RALGPS2: variants seen among roughly 807,000 people sequenced by gnomAD.
The protein encoded by RALGPS2 is ras-specific guanine nucleotide-releasing factor RalGPS2.
RALGPS2 carries 43 observed loss-of-function variants against 86.8 expected under a neutral mutation model. The observed-to-expected ratio is 0.50, with a 90% CI of 0.39 to 0.64. The LOEUF (loss-of-function observed/expected upper bound fraction) is 0.64, where lower values mean the gene tolerates loss of function less well. Among genes scored for constraint, RALGPS2 ranks in the 30% least tolerant of loss-of-function variants. RALGPS2 has a pLI of 0.00. For missense variants in RALGPS2, 536 were observed against 694.6 expected, an observed-to-expected ratio of 0.77 and a Z score of 2.57; for synonymous variants, 243 against 231.3, an observed-to-expected ratio of 1.05 and a Z score of -0.46.
chr1:178,824,787 C>T (rs1318488151), intron 7 of RALGPS2, among the ~76,000 whole-genome samples: 4 of 150,746 alleles, frequency 2.7e-5, no homozygotes, highest in African/African-American at 7.3e-5. Context: ...CCAGCCTGTG[C>T]GACAGAGCAA....
intron 8 of RALGPS2, chr1:178,870,653 T>TA (rs965670406): frequency 6.6e-6 from 1 of 152,212 alleles, no homozygotes; most frequent in Non-Finnish European, 1.5e-5. Flanking sequence ...CTTTGTTTAG[T>TA]AAAAGATTCT....
chr1:178,878,143 T>A (rs1374686902), intron 9 of RALGPS2, among the ~76,000 whole-genome samples: 1 of 152,128 alleles, frequency 6.6e-6, no homozygotes, highest in African/African-American at 2.4e-5. Flanking sequence ...ATCGAGTAAA[T>A]AGCCAGTTTT....
At chr1:178,869,833 C>T (rs570890624) in intron 8 of RALGPS2, among the ~76,000 whole-genome samples, 3 of 152,054 alleles carry the variant, frequency 2.0e-5, no homozygotes, top group Non-Finnish European at 4.4e-5. Flanking sequence ...CTATTGGTAA[C>T]GAGTAATTTT....
rs892644355 is a variant in RALGPS2 at position 178,851,412 on chromosome 1, C to G, written c.607+17862C>G. 5 of 1,114,320 alleles carry G rather than the reference C, an allele frequency of 4.5e-6. No homozygotes were observed. In the African/African-American group the frequency reaches 8.0e-5, roughly 18 times the overall value. The allele number at this position is 1,114,320 out of a possible 1,614,324, so 69.0% of individuals were successfully genotyped here. The stretch of plus-strand genomic sequence containing the variant: ...CTTATTCTACCTTTAATTTGAACTT[C>G]CCTTACTAATCCCAGTTACCTTTAT... On this transcript the variant is annotated intron_variant, in intron 8 of 19. Transcript: ENST00000367635.
chr1:178,889,799 G>T, intron 14 of RALGPS2, 103 bp downstream of exon 14: 2 of 748,272 alleles, frequency 2.7e-6, no homozygotes, highest in Middle Eastern at 3.3e-4. Context: ...ATCCCTAAGC[G>T]ATTAAGTTTT....
Position 178,890,098 on chromosome 1 carries a change from A to G in RALGPS2, c.1247+402A>G, listed in dbSNP as rs1354911854. On this transcript the variant is annotated intron_variant, in intron 14 of 19. Transcript: ENST00000367635. The stretch of plus-strand genomic sequence containing the variant: ...GCTTTGTCAAGGACAAAATGATTTA[A>G]TAAATTTTAAATTATACAAGTAAAG... 3.3e-5 allele frequency among the ~76,000 whole-genome samples: 5 copies of G among 152,088 alleles called. No individual in the cohort carries two copies. In the East Asian group the frequency reaches 7.7e-4, roughly 23 times the overall value.
chr1:178,914,275 T>C (rs1349828206), intron 19 of RALGPS2, among the ~76,000 whole-genome samples: 1 of 152,136 alleles, frequency 6.6e-6, no homozygotes, highest in Non-Finnish European at 1.5e-5. Flanking sequence ...CATGTAGACC[T>C]AAGTTCTGTC....
At chr1:178,851,082 T>C (rs892591467) in intron 8 of RALGPS2, 4 of 1,516,486 alleles carry the variant, frequency 2.6e-6, no homozygotes, top group Non-Finnish European at 3.5e-6. Context: ...TTTTAAGAGC[T>C]GAAAAGTACA....
At chr1:178,892,135 T>G in intron 14 of RALGPS2, 95 bp from the exon 15 acceptor site, 1 of 1,091,774 alleles carries the variant, frequency 9.2e-7, no homozygotes, top group Non-Finnish European at 1.4e-6. Context: ...AAAGCTATAT[T>G]ACAAGAAGAA....
At chr1:178,899,191 C>T (rs1454253648) in intron 17 of RALGPS2, among the ~76,000 whole-genome samples, 2 of 151,714 alleles carry the variant, frequency 1.3e-5, no homozygotes, top group Non-Finnish European at 2.9e-5. Context: ...TTGTTTTGTG[C>T]TTTGCATTGT....
At chr1:178,844,335 G>C (rs942180812) in intron 8 of RALGPS2, among the ~76,000 whole-genome samples, 10 of 152,180 alleles carry the variant, frequency 6.6e-5, no homozygotes, top group Non-Finnish European at 1.5e-5. Context: ...CCCTAAAAAT[G>C]AGAACCAAAA....
At chr1:178,824,910 G>A (rs1655682022) in intron 7 of RALGPS2, among the ~76,000 whole-genome samples, 1 of 152,098 alleles carries the variant, frequency 6.6e-6, no homozygotes, top group Admixed American at 6.5e-5. Context: ...ATTTCGTGGT[G>A]GGATTCTTAG....
intron 8 of RALGPS2, among the ~76,000 whole-genome samples, chr1:178,844,779 GA>G (rs1656785616): frequency 6.6e-6 from 1 of 152,034 alleles, no homozygotes; most frequent in African/African-American, 2.4e-5. Flanking sequence ...AGAATATTGT[GA>G]AAAAAATAAT....
intron 4 of RALGPS2, among the ~76,000 whole-genome samples, chr1:178,800,246 A>G (rs988077843): frequency 1.3e-5 from 2 of 152,240 alleles, no homozygotes; most frequent in South Asian, 2.1e-4. Context: ...GGACCGTTCT[A>G]TGATACAGGC....
chr1:178,892,200 A>G (rs779624711), intron 14 of RALGPS2, 30 bp from the exon 15 acceptor site: 37 of 1,574,544 alleles, frequency 2.3e-5, no homozygotes, highest in Non-Finnish European at 3.1e-5. Flanking sequence ...AGTATATGTA[A>G]TATATACAAT....
intron 8 of RALGPS2, among the ~76,000 whole-genome samples, chr1:178,856,892 A>G (rs1435580200): frequency 3.3e-5 from 5 of 152,210 alleles, no homozygotes; most frequent in Non-Finnish European, 7.3e-5. Context: ...AGCTCTTAAC[A>G]TAATTTGTAT....
rs71108081 is a variant in RALGPS2, at chr1:178,856,394, A to ATTTTTTTTTTTTTTTTTTTTTT, written c.608-21093_608-21072dup. 2.2e-4 allele frequency among the ~76,000 whole-genome samples: 8 copies of ATTTTTTTTTTTTTTTTTTTTTT among 36,430 alleles called. 2 individuals are homozygous for ATTTTTTTTTTTTTTTTTTTTTT. Among genetic ancestry groups the ATTTTTTTTTTTTTTTTTTTTTT allele is most frequent in the African/African-American group, 1.2e-3 (8 of 6,866 alleles). 23.9% of individuals were successfully genotyped at this position (36,430 alleles called of 152,430 possible). A position where few individuals can be genotyped will look rare whatever the true frequency, so the allele number is the denominator to read the frequency against. On this transcript the variant is annotated intron_variant, in intron 8 of 19. Transcript: ENST00000367635. The stretch of plus-strand genomic sequence containing the variant: ...AGGCAAGTGCCACCCTGCCTGGCTA[A>ATTTTTTTTTTTTTTTTTTTTTT]TTTTTTTTTTTTTTTTTTTTTTTTT...
At chr1:178,851,162 T>C in intron 8 of RALGPS2, 2 of 1,613,916 alleles carry the variant, frequency 1.2e-6, no homozygotes, top group Non-Finnish European at 1.7e-6. Context: ...TCTGAACTGC[T>C]CTTAAGGAGT....
At chr1:178,861,846 A>T (rs1329184633) in intron 8 of RALGPS2, among the ~76,000 whole-genome samples, 1 of 152,120 alleles carries the variant, frequency 6.6e-6, no homozygotes, top group Non-Finnish European at 1.5e-5. Context: ...TCCTTTGGAA[A>T]TCAAAGGGAT....
Sources: gnomAD v4.1 joint callset for allele counts (sites outside exome capture counted in the v4.1 genomes callset) on GRCh38, gnomAD v4.1.1 for gene constraint, MANE v1.5 for transcripts, NCBI Gene and HGNC (gene_info 2026-07-23, HGNC 2026-07-21) for gene names.